The following SRRM4 variants were observed in gnomAD, a reference collection of about 807,000 sequenced individuals.
SRRM4 encodes serine/arginine repetitive matrix protein 4.
In SRRM4, 33 loss-of-function variants were observed where a neutral mutation model predicts 68.9. The observed-to-expected ratio is 0.48, with a 90% CI of 0.36 to 0.64. SRRM4 has a LOEUF of 0.64. Ranked by LOEUF, SRRM4 falls within the 30% of genes least tolerant of loss-of-function variation. The probability of loss-of-function intolerance (pLI) is 0.00; values close to 1 mark genes in which losing one functional copy is unlikely to be tolerated. For missense variants in SRRM4, 817 were observed against 827.1 expected (o/e 0.99, Z 0.15); for synonymous variants, 318 against 318.8 (o/e 1.00, Z 0.03).
At chr12:119,151,735 C>T (rs1954441040) in intron 10 of SRRM4, among the ~76,000 whole-genome samples, 1 of 152,108 alleles carries the variant, frequency 6.6e-6, no homozygotes, top group Non-Finnish European at 1.5e-5. Flanking sequence ...AAGACCCCAG[C>T]TGACTCATCA....
intron 1 of SRRM4, among the ~76,000 whole-genome samples, chr12:119,040,746 T>C (rs1443807356): frequency 6.6e-6 from 1 of 152,010 alleles, no homozygotes; most frequent in Non-Finnish European, 1.5e-5. Context: ...CTACCCTTTA[T>C]TTTTATTTTT....
At chr12:119,142,273 A>T (rs565435431) in intron 8 of SRRM4, among the ~76,000 whole-genome samples, 1 of 152,364 alleles carries the variant, frequency 6.6e-6, no homozygotes, top group South Asian at 2.1e-4. Context: ...ATTTAACCCA[A>T]TGAGAACATT....
intron 1 of SRRM4, among the ~76,000 whole-genome samples, chr12:119,003,925 A>C (rs1228039012): frequency 6.6e-6 from 1 of 152,058 alleles, no homozygotes; most frequent in Non-Finnish European, 1.5e-5. Context: ...TATGCAGGCA[A>C]AAAGTACAGG....
At chr12:119,096,605 G>A (rs1286311720) in intron 1 of SRRM4, among the ~76,000 whole-genome samples, 1 of 152,226 alleles carries the variant, frequency 6.6e-6, no homozygotes, top group African/African-American at 2.4e-5. Flanking sequence ...ACTAGCCAGA[G>A]CTATGATATG....
At chr12:119,057,793 C>G (rs553397827) in intron 1 of SRRM4, among the ~76,000 whole-genome samples, 2 of 152,214 alleles carry the variant, frequency 1.3e-5, no homozygotes, top group Non-Finnish European at 2.9e-5. Context: ...AATGGCTGAA[C>G]TAATTTACAC....
At chr12:119,096,563 CGCTGG>C (rs1954045810) in intron 1 of SRRM4, among the ~76,000 whole-genome samples, 1 of 152,120 alleles carries the variant, frequency 6.6e-6, no homozygotes, top group Admixed American at 6.6e-5. Flanking sequence ...GTGGAGAGAA[CGCTGG>C]GCTGGGAGTC....
chr12:119,010,135 CT>C (rs1953439828), intron 1 of SRRM4, among the ~76,000 whole-genome samples: 4 of 152,222 alleles, frequency 2.6e-5, no homozygotes, highest in Admixed American at 2.6e-4. Flanking sequence ...TCTCTGCAAC[CT>C]CCGCCTCCCA....
At chr12:119,001,612 G>T (rs959201870) in intron 1 of SRRM4, 6 of 152,106 alleles carry the variant, frequency 3.9e-5, no homozygotes, top group Admixed American at 1.3e-4. Flanking sequence ...TTTCATATAT[G>T]AACCCTGTCA....
At chr12:119,005,223 T>A (rs1953409080) in intron 1 of SRRM4, among the ~76,000 whole-genome samples, 1 of 152,150 alleles carries the variant, frequency 6.6e-6, no homozygotes, top group Admixed American at 6.5e-5. Flanking sequence ...CTGGAGAGGA[T>A]GGATTCTAGT....
At chr12:119,055,276 T>A (rs1002380219) in intron 1 of SRRM4, among the ~76,000 whole-genome samples, 106 of 152,262 alleles carry the variant, frequency 7.0e-4, no homozygotes, top group African/African-American at 2.5e-3. Flanking sequence ...TAAACTCTAG[T>A]GGGTCTCAGT....
intron 1 of SRRM4, among the ~76,000 whole-genome samples, chr12:119,081,330 A>C (rs2136031571): frequency 6.6e-6 from 1 of 152,342 alleles, no homozygotes; most frequent in East Asian, 1.9e-4. Context: ...CGTATCACTA[A>C]AAAGGTCATA....
chr12:119,054,506 T>C (rs530379134), intron 1 of SRRM4, among the ~76,000 whole-genome samples: 1 of 152,328 alleles, frequency 6.6e-6, no homozygotes, highest in South Asian at 2.1e-4. Context: ...CCAGTGTGCA[T>C]GCACTTAACC....
At chr12:118,997,401 G>C (rs1006495745) in intron 1 of SRRM4, among the ~76,000 whole-genome samples, 1 of 152,292 alleles carries the variant, frequency 6.6e-6, no homozygotes, top group Admixed American at 6.5e-5. Context: ...GTCCACACAC[G>C]TTACTGTGGA....
Position 119,154,245 on chromosome 12 carries a change from A to G in SRRM4, c.1394A>G (p.Glu465Gly). Residue 465 changes from glutamate to glycine, a missense_variant and splice_region_variant, in exon 12 of 13, where the codon GAG (glutamate) becomes GGG (glycine). Glu to Gly is a moderately conservative substitution (Grantham distance 98). Transcript: ENST00000267260. The surrounding 1 kb of genome is among the most constrained non-coding windows in gnomAD (Gnocchi z 4.7). Reference sequence around the variant, plus strand: ...AGTAACCCCCCGCGCCCCTTCAGGGAGCGGGATCCCAAATACAGTGAGAAG... The same window carrying G: ...AGTAACCCCCCGCGCCCCTTCAGGGGGCGGGATCCCAAATACAGTGAGAAG... Reference protein sequence around the residue: ...PSYSRYSPSRERDPKYSEKDS... With the variant: ...PSYSRYSPSRGRDPKYSEKDS... 6.2e-7 allele frequency: 1 copy of G among 1,602,834 alleles called. No homozygotes were observed. Among genetic ancestry groups the G allele is most frequent in the Non-Finnish European group, 8.5e-7 (1 of 1,173,994 alleles).
At chr12:119,038,952 G>GGAAC (rs1170261607) in intron 1 of SRRM4, among the ~76,000 whole-genome samples, 7 of 152,220 alleles carry the variant, frequency 4.6e-5, no homozygotes, top group African/African-American at 1.7e-4. Context: ...CCCTTGAGGT[G>GGAAC]GAACACCACC....
intron 1 of SRRM4, among the ~76,000 whole-genome samples, chr12:119,004,478 T>C (rs1397592986): frequency 6.6e-6 from 1 of 151,990 alleles, no homozygotes; most frequent in Non-Finnish European, 1.5e-5. Flanking sequence ...GAGGGGAGCC[T>C]ACAGCAGAGA....
chr12:119,132,817 A>C (rs1470335543), intron 8 of SRRM4, among the ~76,000 whole-genome samples: 1 of 152,170 alleles, frequency 6.6e-6, no homozygotes, highest in Non-Finnish European at 1.5e-5. Flanking sequence ...GATTCACAGA[A>C]AGGAAATGAT....
At position 118,982,031 on chromosome 12, in the gene SRRM4, A is replaced by G. The variant is rs774444282; in HGVS notation, c.131+18A>G. On this transcript the variant is annotated intron_variant, in intron 1 of 12. Transcript: ENST00000267260. ...CTGCCAAGGTAATGATCTCCTTCTT[A>G]GAAGGGGGGATCCTGAAGGTCCTCC... 4 of 1,599,246 alleles carry G rather than the reference A, an allele frequency of 2.5e-6. No homozygotes were observed. The African/African-American group carries it at 4.0e-5, about 16-fold the overall frequency.
chr12:119,012,826 G>C (rs1420656476), intron 1 of SRRM4, among the ~76,000 whole-genome samples: 1 of 152,072 alleles, frequency 6.6e-6, no homozygotes, highest in Non-Finnish European at 1.5e-5. Context: ...TACTTCCTCT[G>C]TTTGGTGATT....
Sources: allele counts gnomAD v4.1 joint callset (sites outside exome capture counted in the v4.1 genomes callset), GRCh38; gene constraint gnomAD v4.1.1; non-coding constraint Gnocchi (gnomAD v3.1); transcripts MANE v1.5; gene names NCBI Gene and HGNC (gene_info 2026-07-23, HGNC 2026-07-21).